RSF1: variants seen among roughly 807,000 people sequenced by gnomAD.
The protein encoded by RSF1 is remodeling and spacing factor 1.
Under a neutral mutation model 145.2 loss-of-function variants are expected in RSF1, and 13 were observed. The observed-to-expected ratio is 0.09, with a 90% CI of 0.06 to 0.14. The LOEUF (loss-of-function observed/expected upper bound fraction) is 0.14, where lower values mean the gene tolerates loss of function less well. Among genes scored for constraint, RSF1 ranks in the 10% least tolerant of loss-of-function variants. RSF1 has a pLI of 1.00. For missense variants in RSF1, 1,517 were observed against 1,718.2 expected (o/e 0.88, Z 2.07); for synonymous variants, 577 against 592.6 (o/e 0.97, Z 0.38).
intron 1 of RSF1, among the ~76,000 whole-genome samples, chr11:77,785,806 G>A (rs1229534050): frequency 7.2e-6 from 1 of 138,100 alleles, no homozygotes; most frequent in African/African-American, 2.7e-5. Context: ...GGCACCTGTA[G>A]TCCCAGCTAC....
Position 77,665,357 on chromosome 11 carries a change from A to C in RSF1, c.*1560T>G, listed in dbSNP as rs752844259. 1.3e-5 allele frequency: 2 copies of C among 152,188 alleles called. No individual in the cohort carries two copies. The highest frequency in any genetic ancestry group is 6.5e-5 in the Admixed American group (1 of 15,276). 9.4% of individuals were successfully genotyped at this position (152,188 alleles called of 1,614,324 possible). A position where few individuals can be genotyped will look rare whatever the true frequency, so the allele number is the denominator to read the frequency against. ...CACAACACCGGAACAGAAAAACCCA[A>C]ATCCCAGGGCTAAAGTATTCACAGA... On this transcript the variant is annotated 3_prime_UTR_variant, in exon 16 of 16. Coordinates refer to ENST00000308488, the MANE Select transcript of RSF1 (RefSeq NM_016578.4).
intron 5 of RSF1, among the ~76,000 whole-genome samples, chr11:77,712,059 C>T (rs1028992785): frequency 3.9e-5 from 6 of 152,102 alleles, no homozygotes; most frequent in African/African-American, 9.7e-5. Context: ...ACAAAAGTTA[C>T]GTTGTGCTTT....
chr11:77,671,168 TATA>T (rs1565142968), intron 15 of RSF1, among the ~76,000 whole-genome samples: 2 of 94,998 alleles, frequency 2.1e-5, no homozygotes, highest in Non-Finnish European at 3.9e-5. Flanking sequence ...TATATATATA[TATA>T]TATATATTTA....
chr11:77,780,683 C>T (rs372865271), intron 1 of RSF1, among the ~76,000 whole-genome samples: 6 of 151,876 alleles, frequency 4.0e-5, no homozygotes, highest in Non-Finnish European at 8.8e-5. Context: ...AAATTAGCCG[C>T]GTGTGGTGGC....
chr11:77,814,197 CA>C (rs772299225), intron 1 of RSF1, among the ~76,000 whole-genome samples: 12 of 37,140 alleles, frequency 3.2e-4, no homozygotes, highest in Admixed American at 2.9e-4. Flanking sequence ...GAGACTGTCT[CA>C]AAAAAAAAAA....
Position 77,764,672 on chromosome 11 carries a change from C to T in RSF1, c.205G>A (p.Glu69Lys), listed in dbSNP as rs1224817975. ...GNGEVPKELV[E>K]LHLKLMRKIG... is the part of the protein sequence containing the mutation. Reference sequence around the variant, plus strand: ...TTCCTCATCAGCTTCAAATGGAGCTCCACCAATTCTTTTGGTACTTAAAAG... The same window carrying T: ...TTCCTCATCAGCTTCAAATGGAGCTTCACCAATTCTTTTGGTACTTAAAAG... Residue 69 changes from glutamate to lysine, a missense_variant, in exon 2 of 16, where the codon GAG becomes AAG. Physicochemically the swap from Glu to Lys is moderately conservative, Grantham distance 56. Coordinates refer to ENST00000308488, the MANE Select transcript of RSF1 (RefSeq NM_016578.4). 1.9e-6 allele frequency: 3 copies of T among 1,600,510 alleles called. No homozygotes were observed. The African/African-American group carries it at 4.0e-5, about 22-fold the overall frequency.
chr11:77,838,628 T>G, the RSF1 span, among the ~76,000 whole-genome samples: 1 of 151,362 alleles, frequency 6.6e-6, no homozygotes, highest in Admixed American at 6.6e-5. Flanking sequence ...TTTTTTTTTT[T>G]TTTTTTGAGA....
intron 1 of RSF1, among the ~76,000 whole-genome samples, chr11:77,817,713 G>C (rs1308936511): frequency 6.6e-6 from 1 of 152,158 alleles, no homozygotes; most frequent in African/African-American, 2.4e-5. Context: ...TTCTATGCCT[G>C]CCAAATAGGA....
intron 5 of RSF1, among the ~76,000 whole-genome samples, chr11:77,711,902 C>G (rs938625224): frequency 6.6e-6 from 1 of 152,136 alleles, no homozygotes; most frequent in Non-Finnish European, 1.5e-5. Context: ...AACCCTTAGT[C>G]TCCTCCATTC....
the RSF1 span, among the ~76,000 whole-genome samples, chr11:77,867,049 C>T: frequency 1.3e-5 from 2 of 152,132 alleles, no homozygotes; most frequent in East Asian, 1.9e-4. Context: ...CCACCTTAGC[C>T]AGGCTGGTCT....
intron 3 of RSF1, among the ~76,000 whole-genome samples, chr11:77,744,714 T>C (rs921589409): frequency 6.6e-6 from 1 of 152,248 alleles, no homozygotes; most frequent in African/African-American, 2.4e-5. Flanking sequence ...ATTTGGCTGC[T>C]AGTATTTTGT....
chr11:77,807,192 C>A (rs1948685841), intron 1 of RSF1, among the ~76,000 whole-genome samples: 1 of 152,162 alleles, frequency 6.6e-6, no homozygotes, highest in Admixed American at 6.5e-5. Context: ...TTACAATTTC[C>A]CATACATGCC....
intron 1 of RSF1, among the ~76,000 whole-genome samples, chr11:77,778,886 A>G (rs541535277): frequency 3.3e-5 from 5 of 152,006 alleles, no homozygotes; most frequent in African/African-American, 1.2e-4. Flanking sequence ...CCATTTTAGA[A>G]TTTTCATTTC....
chr11:77,804,434 A>G (rs906019898), intron 1 of RSF1, among the ~76,000 whole-genome samples: 2 of 152,230 alleles, frequency 1.3e-5, no homozygotes, highest in Non-Finnish European at 2.9e-5. Flanking sequence ...TGTTGGTGAC[A>G]TTCTACCTTG....
intron 2 of RSF1, among the ~76,000 whole-genome samples, chr11:77,750,882 G>A (rs1309681696): frequency 6.6e-6 from 1 of 152,046 alleles, no homozygotes; most frequent in Non-Finnish European, 1.5e-5. Flanking sequence ...GATAGGTCAG[G>A]TCCTATTGCG....
chr11:77,692,820 G>C (rs553873632), intron 8 of RSF1, among the ~76,000 whole-genome samples: 1 of 152,084 alleles, frequency 6.6e-6, no homozygotes, highest in East Asian at 1.9e-4. Flanking sequence ...TTGGACTAAA[G>C]GCGTGTGCCA....
the RSF1 span, among the ~76,000 whole-genome samples, chr11:77,871,231 GTTCT>G: frequency 6.6e-6 from 1 of 152,192 alleles, no homozygotes; most frequent in East Asian, 1.9e-4. Flanking sequence ...TTTCACTTGA[GTTCT>G]TTCTGAGGCA....
chr11:77,868,256 C>T, the RSF1 span, among the ~76,000 whole-genome samples: 7 of 151,366 alleles, frequency 4.6e-5, no homozygotes, highest in African/African-American at 9.7e-5. Context: ...GGGGTTTCAC[C>T]GTGTTAGCCA....
At chr11:77,675,856 C>T (rs964104209) in intron 13 of RSF1, among the ~76,000 whole-genome samples, 1 of 152,198 alleles carries the variant, frequency 6.6e-6, no homozygotes, top group Non-Finnish European at 1.5e-5. Flanking sequence ...AAGCATAAAT[C>T]TCATATTAAT....
Sources: gnomAD v4.1 joint callset for allele counts (sites outside exome capture counted in the v4.1 genomes callset) on GRCh38, gnomAD v4.1.1 for gene constraint, MANE v1.5 for transcripts, NCBI Gene and HGNC (gene_info 2026-07-23, HGNC 2026-07-21) for gene names.